Variants in MRAP2 observed in about 807,000 individuals in gnomAD.
MRAP2 encodes the protein melanocortin-2 receptor accessory protein 2.
Under a neutral mutation model 17.4 loss-of-function variants are expected in MRAP2, and 20 were observed. The observed-to-expected ratio is 1.15, with a 90% confidence interval of 0.81 to 1.67. MRAP2 has a LOEUF of 1.67. Ranked by LOEUF, MRAP2 falls within the 40% of genes most tolerant of loss-of-function variation. The pLI is 0.00. For synonymous variants in MRAP2, 96 were observed against 88.4 expected (o/e 1.09, Z -0.48); for missense variants, 238 against 240.0 (o/e 0.99, Z 0.05).
At chr6:84,057,743 G>A (rs1323673448) in intron 2 of MRAP2, among the ~76,000 whole-genome samples, 1 of 152,140 alleles carries the variant, frequency 6.6e-6, no homozygotes. Flanking sequence ...CATTCTAGTG[G>A]GAGAGACAGA....
chr6:84,045,762 A>T (rs75173376), intron 1 of MRAP2, among the ~76,000 whole-genome samples: 3 of 127,594 alleles, frequency 2.4e-5, no homozygotes, highest in East Asian at 2.0e-4. Flanking sequence ...ACTGTCTCAT[A>T]AAAAAAAAAG....
At chr6:84,039,891 A>G (rs1369080163) in intron 1 of MRAP2, among the ~76,000 whole-genome samples, 1 of 152,246 alleles carries the variant, frequency 6.6e-6, no homozygotes, top group Non-Finnish European at 1.5e-5. Context: ...CTGTCTTTCT[A>G]CAAACCTTTG....
intron 3 of MRAP2, among the ~76,000 whole-genome samples, chr6:84,071,565 T>C (rs2099496191): frequency 6.6e-6 from 1 of 152,214 alleles, no homozygotes; most frequent in African/African-American, 2.4e-5. Flanking sequence ...GTCTAGGCAA[T>C]GATCTTTTTG....
At chr6:84,051,706 G>A (rs2099490462) in intron 1 of MRAP2, among the ~76,000 whole-genome samples, 1 of 152,196 alleles carries the variant, frequency 6.6e-6, no homozygotes, top group Admixed American at 6.5e-5. Flanking sequence ...CTGGGCAATA[G>A]AGTAAGACCT....
At chr6:84,033,601 G>A, upstream of MRAP2, 1 of 849,672 alleles carries the variant, frequency 1.2e-6, no homozygotes, top group Non-Finnish European at 1.4e-6. Context: ...AAGTGAGCAG[G>A]AAAGGGATCT....
chr6:84,123,499 G>T, the MRAP2 span, among the ~76,000 whole-genome samples: 1 of 152,068 alleles, frequency 6.6e-6, no homozygotes, highest in Non-Finnish European at 1.5e-5. Flanking sequence ...CTCAATAAAT[G>T]GTGCTGGGAA....
the MRAP2 span, among the ~76,000 whole-genome samples, chr6:84,099,895 C>T: frequency 6.7e-6 from 1 of 149,762 alleles, no homozygotes; most frequent in Admixed American, 6.6e-5. Context: ...CAGATTCTTG[C>T]TCTGTTCCCC....
intron 1 of MRAP2, among the ~76,000 whole-genome samples, chr6:84,042,356 G>C (rs1218327079): frequency 6.6e-6 from 1 of 152,154 alleles, no homozygotes; most frequent in Non-Finnish European, 1.5e-5. Context: ...AACTTCCACT[G>C]AATTATCCCA....
the MRAP2 span, among the ~76,000 whole-genome samples, chr6:84,104,765 G>A: frequency 1.3e-5 from 2 of 152,178 alleles, no homozygotes; most frequent in Admixed American, 6.5e-5. Context: ...CTACTTGGGA[G>A]GCTGAGGCAG....
At chr6:84,038,878 T>G (rs2099486812) in intron 1 of MRAP2, among the ~76,000 whole-genome samples, 1 of 152,172 alleles carries the variant, frequency 6.6e-6, no homozygotes, top group Non-Finnish European at 1.5e-5. Flanking sequence ...GGAAGATGAA[T>G]CCCTTGAGTG....
At chr6:84,048,217 C>G (rs544972176) in intron 1 of MRAP2, among the ~76,000 whole-genome samples, 1 of 152,266 alleles carries the variant, frequency 6.6e-6, no homozygotes, top group South Asian at 2.1e-4. Flanking sequence ...AGCGGCTGTA[C>G]CTTTTTACCT....
the MRAP2 span, among the ~76,000 whole-genome samples, chr6:84,129,074 C>G: frequency 6.6e-6 from 1 of 152,148 alleles, no homozygotes; most frequent in African/African-American, 2.4e-5. Context: ...GCCACATTGT[C>G]TTTATCCAAT....
At chr6:84,082,914 T>A (rs1331519096) in intron 3 of MRAP2, among the ~76,000 whole-genome samples, 1 of 151,760 alleles carries the variant, frequency 6.6e-6, no homozygotes, top group Non-Finnish European at 1.5e-5. Context: ...TTTCCTTATT[T>A]AAAAAAAAGA....
At chr6:84,144,467 T>G in the MRAP2 span, among the ~76,000 whole-genome samples, 1 of 152,124 alleles carries the variant, frequency 6.6e-6, no homozygotes, top group Non-Finnish European at 1.5e-5. Flanking sequence ...TATGGCTAGT[T>G]TAAAGTCTTA....
At chr6:84,137,308 T>A in the MRAP2 span, among the ~76,000 whole-genome samples, 2 of 152,186 alleles carry the variant, frequency 1.3e-5, no homozygotes, top group African/African-American at 4.8e-5. Context: ...TACTTGAACA[T>A]GCTAGCGAGC....
At chr6:84,121,949 C>A in the MRAP2 span, among the ~76,000 whole-genome samples, 1 of 151,916 alleles carries the variant, frequency 6.6e-6, no homozygotes, top group Admixed American at 6.6e-5. Context: ...AAGATCAAAG[C>A]AGAACTAAAT....
At chr6:84,129,334 C>T in the MRAP2 span, among the ~76,000 whole-genome samples, 20 of 152,166 alleles carry the variant, frequency 1.3e-4, no homozygotes, top group Non-Finnish European at 1.9e-4. Flanking sequence ...CCTATTTCTC[C>T]GCATCCTCTC....
At chr6:84,113,718 G>C in the MRAP2 span, among the ~76,000 whole-genome samples, 1,010 of 152,296 alleles carry the variant, frequency 6.6e-3, 7 homozygotes, top group African/African-American at 0.023. Context: ...TGCAGTGGCT[G>C]GTACTGGTTG....
At chr6:84,120,989 C>T in the MRAP2 span, among the ~76,000 whole-genome samples, 1 of 151,860 alleles carries the variant, frequency 6.6e-6, no homozygotes, top group Non-Finnish European at 1.5e-5. Flanking sequence ...TGACAAAATG[C>T]AAAAACTCAA....
Sources: allele counts gnomAD v4.1 joint callset (sites outside exome capture counted in the v4.1 genomes callset), GRCh38; gene constraint gnomAD v4.1.1; transcripts MANE v1.5; gene names NCBI Gene and HGNC (gene_info 2026-07-23, HGNC 2026-07-21).